NSUN3: variants seen among roughly 807,000 people sequenced by gnomAD.
NSUN3 encodes the protein tRNA (cytosine(34)-C(5))-methyltransferase, mitochondrial.
A neutral mutation model predicts 36.8 loss-of-function variants in NSUN3; 24 were observed. The observed-to-expected ratio is 0.65, with a 90% CI of 0.47 to 0.92. NSUN3 has a LOEUF of 0.92. Among genes scored for constraint, NSUN3 ranks in the 40% least tolerant of loss-of-function variants. NSUN3 has a pLI of 0.00. For missense variants in NSUN3, 381 were observed against 392.8 expected (o/e 0.97, Z 0.25); for synonymous variants, 146 against 145.2 (o/e 1.01, Z -0.04).
chr3:94,094,891 G>A, intron 4 of NSUN3, 142 bp from the exon 5 acceptor site: 1 of 776,344 alleles, frequency 1.3e-6, no homozygotes, highest in Non-Finnish European at 2.0e-6. Context: ...AAAACCTACT[G>A]TGGTGTATTT....
At chr3:94,099,006 T>C (rs1342922811) in intron 5 of NSUN3, among the ~76,000 whole-genome samples, 1 of 152,170 alleles carries the variant, frequency 6.6e-6, no homozygotes, top group Non-Finnish European at 1.5e-5. Flanking sequence ...TATAATTTGG[T>C]GTCTGGCATG....
chr3:94,080,451 G>C (rs141716508), intron 2 of NSUN3, among the ~76,000 whole-genome samples: 4 of 152,212 alleles, frequency 2.6e-5, no homozygotes, highest in Non-Finnish European at 5.9e-5. Context: ...TGGGAGGTCC[G>C]CTGCTCTCTT....
intron 5 of NSUN3, among the ~76,000 whole-genome samples, chr3:94,111,882 A>G (rs996458822): frequency 1.3e-5 from 2 of 151,830 alleles, no homozygotes; most frequent in South Asian, 4.2e-4. Flanking sequence ...ATACTAGATG[A>G]TAGGAATTTT....
intron 5 of NSUN3, among the ~76,000 whole-genome samples, chr3:94,112,802 A>G (rs982717251): frequency 3.3e-5 from 5 of 152,228 alleles, no homozygotes; most frequent in African/African-American, 1.2e-4. Flanking sequence ...GAGTAACTAG[A>G]GGTGTCTGCT....
chr3:94,072,803 C>CT lies in NSUN3; in HGVS notation c.122+8267dup, dbSNP rs373485894. ...GCCTCAGTCTGCAATAAGTTCTTCT[C>CT]TTTTTTTTTTATTATTATACTTTAA... On this transcript the variant is annotated intron_variant, in intron 2 of 5. Transcript: ENST00000314622. 3.4e-4 allele frequency among the ~76,000 whole-genome samples: 51 copies of CT among 148,544 alleles called. 1 individual carries two copies. In the South Asian group the frequency reaches 4.7e-3, roughly 14 times the overall value.
At chr3:94,109,112 G>A (rs991859626) in intron 5 of NSUN3, among the ~76,000 whole-genome samples, 1 of 152,222 alleles carries the variant, frequency 6.6e-6, no homozygotes, top group Admixed American at 6.5e-5. Flanking sequence ...GAAATTCCAT[G>A]GAGAATCAAT....
intron 4 of NSUN3, 113 bp from the exon 5 acceptor site, chr3:94,094,920 T>A: frequency 9.3e-7 from 1 of 1,080,992 alleles, no homozygotes; most frequent in Admixed American, 2.2e-5. Flanking sequence ...AAAAGAAATG[T>A]TTTTACTTAT....
At chr3:94,116,889 A>G (rs942092701) in intron 5 of NSUN3, among the ~76,000 whole-genome samples, 3 of 152,036 alleles carry the variant, frequency 2.0e-5, no homozygotes, top group African/African-American at 7.2e-5. Context: ...TTTCAGCAAG[A>G]CATATGAATA....
intron 5 of NSUN3, among the ~76,000 whole-genome samples, chr3:94,124,148 C>CTTTTTTTTTTTTTTTTTTTTTTTATTT (rs58987431): frequency 2.3e-5 from 2 of 88,186 alleles, no homozygotes; most frequent in Non-Finnish European, 2.1e-5. Context: ...TATTTTATTT[C>CTTTTTTTTTTTTTTTTTTTTTTTATTT]TTTTTTTTTT....
chr3:94,123,220 TCTCA>T (rs2077471524), intron 5 of NSUN3, among the ~76,000 whole-genome samples: 1 of 152,184 alleles, frequency 6.6e-6, no homozygotes, highest in South Asian at 2.1e-4. Flanking sequence ...CCCACGCAGC[TCTCA>T]CTCTGAGGCT....
At position 94,098,352 on chromosome 3, in the gene NSUN3, G is replaced by A. The variant is rs139678774; in HGVS notation, c.743+3198G>A. Reference sequence around the variant, plus strand: ...CTAACTGTCCTACATATCTCCAGTTGTGAGCCATACTGCTTGATTCTCCAC... The same window carrying A: ...CTAACTGTCCTACATATCTCCAGTTATGAGCCATACTGCTTGATTCTCCAC... On this transcript the variant is annotated intron_variant, in intron 5 of 5. Transcript: ENST00000314622. 1.1e-4 allele frequency among the ~76,000 whole-genome samples: 17 copies of A among 152,226 alleles called. No individual in the cohort carries two copies. In the East Asian group the frequency reaches 3.3e-3, roughly 29 times the overall value.
intron 2 of NSUN3, among the ~76,000 whole-genome samples, chr3:94,069,061 C>T (rs1288097781): frequency 1.3e-5 from 2 of 152,182 alleles, no homozygotes; most frequent in African/African-American, 2.4e-5. Context: ...TAAAAGTCCA[C>T]GCCTTTTCCT....
intron 2 of NSUN3, among the ~76,000 whole-genome samples, chr3:94,078,576 C>A (rs751635100): frequency 4.6e-5 from 7 of 152,086 alleles, no homozygotes; most frequent in Non-Finnish European, 1.0e-4. Context: ...GAGTCTAAGT[C>A]TCTTTGTAGG....
In NSUN3 at chr3:94,126,327, T is replaced by C. The variant is rs1296754632; in HGVS notation, c.860T>C (p.Met287Thr). ...ATTTTAAACTCCCACGGTAACATCA[T>C]GCCTATGGACATTAAAGGAATAGCA... Reference protein sequence around the residue: ...SEILNSHGNIMPMDIKGIART... With the variant: ...SEILNSHGNITPMDIKGIART... Residue 287 changes from methionine to threonine, a missense_variant, in exon 6 of 6, where the codon ATG becomes ACG. Transcript: ENST00000314622. The C allele has an allele frequency of 1.2e-6, 2 of 1,614,158 alleles. No individual in the cohort carries two copies. Among genetic ancestry groups the C allele is most frequent in the Non-Finnish European group, 1.7e-6 (2 of 1,180,022 alleles).
chr3:94,129,346 T>A lies in NSUN3; in HGVS notation c.*2856T>A, dbSNP rs2077500303. 6.6e-6 allele frequency among the ~76,000 whole-genome samples: 1 copy of A among 152,224 alleles called. No homozygotes were observed. Among genetic ancestry groups the A allele is most frequent in the African/African-American group, 2.4e-5 (1 of 41,454 alleles). ...GATAAAAAAGAATGAAATAATGTCT[T>A]TTGCAACAACATGGATGCAGCTGGA... is the stretch of plus-strand genomic sequence containing the variant. On this transcript the variant is annotated 3_prime_UTR_variant, in exon 6 of 6. Transcript: ENST00000314622.
At chr3:94,087,416 TAA>T (rs923534471) in intron 3 of NSUN3, among the ~76,000 whole-genome samples, 4 of 152,008 alleles carry the variant, frequency 2.6e-5, no homozygotes, top group Non-Finnish European at 2.9e-5. Context: ...TAGGATGATT[TAA>T]AAAAAAGAGT....
At chr3:94,087,425 G>C (rs915498497) in intron 3 of NSUN3, among the ~76,000 whole-genome samples, 1 of 152,160 alleles carries the variant, frequency 6.6e-6, no homozygotes, top group Non-Finnish European at 1.5e-5. Flanking sequence ...TTAAAAAAAA[G>C]AGTCTACTTT....
chr3:94,100,177 G>A (rs2077359180), intron 5 of NSUN3, among the ~76,000 whole-genome samples: 1 of 152,166 alleles, frequency 6.6e-6, no homozygotes, highest in Admixed American at 6.6e-5. Flanking sequence ...ATAGTGAAGA[G>A]GTAAATAAGG....
Position 94,129,367 on chromosome 3 carries a change from C to G in NSUN3, c.*2877C>G, listed in dbSNP as rs1180827807. On this transcript the variant is annotated 3_prime_UTR_variant, in exon 6 of 6. Coordinates refer to ENST00000314622, the MANE Select transcript of NSUN3 (RefSeq NM_022072.5). ...GTCTTTTGCAACAACATGGATGCAG[C>G]TGGATGCTTTTATCCTAAGCAAATT... is the stretch of plus-strand genomic sequence containing the variant. 6.6e-6 allele frequency among the ~76,000 whole-genome samples: 1 copy of G among 152,174 alleles called. No individual in the cohort carries two copies. Among genetic ancestry groups the G allele is most frequent in the Non-Finnish European group, 1.5e-5 (1 of 68,034 alleles).
Sources: gnomAD v4.1 joint callset for allele counts (sites outside exome capture counted in the v4.1 genomes callset) on GRCh38, gnomAD v4.1.1 for gene constraint, MANE v1.5 for transcripts, NCBI Gene and HGNC (gene_info 2026-07-23, HGNC 2026-07-21) for gene names.